ATAD3B: variants seen among roughly 807,000 people sequenced by gnomAD.
ATAD3B encodes ATPase family AAA domain containing 3B, also known as ATPase family AAA domain-containing protein 3B.
Under a neutral mutation model 70.2 loss-of-function variants are expected in ATAD3B, and 59 were observed. The ratio of observed to expected loss-of-function variants is 0.84; its 90% confidence interval spans 0.68 to 1.04. The LOEUF (loss-of-function observed/expected upper bound fraction) is 1.04, where lower values mean the gene tolerates loss of function less well. ATAD3B is among the 50% of genes least tolerant of loss of function. The probability of loss-of-function intolerance (pLI) is 0.00; values close to 1 mark genes in which losing one functional copy is unlikely to be tolerated. For synonymous variants in ATAD3B, 423 were observed against 388.6 expected (o/e 1.09, Z -1.04); for missense variants, 961 against 913.4 (o/e 1.05, Z -0.67).
chr1:1,486,289 C>T (rs1281543788), intron 10 of ATAD3B, 54 bp downstream of exon 10: 36 of 1,610,250 alleles, frequency 2.2e-5, no homozygotes, highest in Non-Finnish European at 2.9e-5. Context: ...TCTCACCTGC[C>T]TGCAGGTGTC....
At chr1:1,475,791 C>G (rs1047791175) in intron 1 of ATAD3B, among the ~76,000 whole-genome samples, 1 of 151,798 alleles carries the variant, frequency 6.6e-6, no homozygotes, top group Non-Finnish European at 1.5e-5. Context: ...ATTCTAATAA[C>G]CGAGAGGCCA....
chr1:1,488,971 C>G (rs113423732), intron 12 of ATAD3B, among the ~76,000 whole-genome samples: 4,516 of 151,868 alleles, frequency 0.03, 249 homozygotes, highest in African/African-American at 0.1. Context: ...CCATGTTGGC[C>G]AGGCTGGTCT....
chr1:1,504,985 G>A, the ATAD3B span, among the ~76,000 whole-genome samples: 30 of 152,294 alleles, frequency 2.0e-4, 1 homozygote, highest in Middle Eastern at 3.4e-3. Context: ...CAGCTCCACA[G>A]GTTCGGTGGG....
rs1385989441 is a variant in ATAD3B, at chr1:1,495,682, C to T, written c.1812C>T (p.Tyr604=). 1 of 1,613,026 alleles carries T rather than the reference C, an allele frequency of 6.2e-7. No homozygotes were observed. The highest frequency in any genetic ancestry group is 1.1e-5 in the South Asian group (1 of 90,984). The change falls in exon 16 of 16, where the codon TAC becomes TAT. Residue 604 remains tyrosine (Y), a synonymous_variant. Coordinates refer to ENST00000673477, the MANE Select transcript of ATAD3B (RefSeq NM_031921.6). ...GGAGCCTGGCCACGGACCCCTCCTA[C>T]CCCTGCCTTGCCGGCCCCTGCACAT... The part of the protein sequence containing the change: ...TSWSLATDPS[Y]PCLAGPCTFR...
At chr1:1,472,123 C>T in intron 1 of ATAD3B, 34 bp downstream of exon 1, 1 of 256,952 alleles carries the variant, frequency 3.9e-6, no homozygotes, top group Non-Finnish European at 6.0e-6. Flanking sequence ...GGCGGGCGGG[C>T]GGGCGGGACG....
chr1:1,499,213 C>A (rs187063102), downstream of ATAD3B, among the ~76,000 whole-genome samples: 4 of 151,262 alleles, frequency 2.6e-5, no homozygotes, highest in East Asian at 7.8e-4. Context: ...CCTCGTGATC[C>A]GCCCGCCTCG....
At chr1:1,478,208 G>C (rs1639700544) in intron 2 of ATAD3B, 1 of 399,182 alleles carries the variant, frequency 2.5e-6, no homozygotes, top group Non-Finnish European at 4.6e-6. Flanking sequence ...TGTTGTCCAG[G>C]TTGGTCTTGA....
chr1:1,487,776 C>T (rs1640305560), intron 11 of ATAD3B, 87 bp from the exon 12 acceptor site: 1 of 1,516,274 alleles, frequency 6.6e-7, no homozygotes, highest in Non-Finnish European at 9.1e-7. Context: ...GATCTGCCTG[C>T]CTGGCCTGCT....
chr1:1,480,909 G>A lies in ATAD3B; in HGVS notation c.487G>A (p.Val163Met), dbSNP rs759023658. The A allele has an allele frequency of 1.6e-5, 25 of 1,593,230 alleles. 1 individual carries two copies. The highest frequency in any genetic ancestry group is 3.3e-4 in the Middle Eastern group (2 of 5,982). Residue 163 changes from valine to methionine, a missense_variant, in exon 5 of 16, where the codon GTG (valine) becomes ATG (methionine). Coordinates refer to ENST00000673477, the MANE Select transcript of ATAD3B (RefSeq NM_031921.6). ...EENLRKQEES[V>M]QKQEAMRRAT... ...GAATTTACGGAAGCAGGAGGAGTCC[G>A]TGCAGAAGCAGGAAGCCATGCGGCG... is the stretch of plus-strand genomic sequence containing the variant.
At chr1:1,498,114 C>T (rs1640846594), downstream of ATAD3B, among the ~76,000 whole-genome samples, 1 of 151,456 alleles carries the variant, frequency 6.6e-6, no homozygotes, top group East Asian at 2.0e-4. Flanking sequence ...ACCAGCCCGG[C>T]CAATGTGGTG....
chr1:1,509,274 G>C, the ATAD3B span: 1 of 1,612,962 alleles, frequency 6.2e-7, no homozygotes, highest in South Asian at 1.1e-5. Flanking sequence ...GCAAGATGCT[G>C]TCCAGCAGCA....
chr1:1,482,976 T>A, intron 7 of ATAD3B: 1 of 472,842 alleles, frequency 2.1e-6, no homozygotes, highest in South Asian at 1.6e-5. Flanking sequence ...ACTCCATTCT[T>A]GGCGAGAGAA....
At chr1:1,500,515 G>GGA (rs765758041), downstream of ATAD3B, among the ~76,000 whole-genome samples, 2,640 of 147,510 alleles carry the variant, frequency 0.018, 37 homozygotes, top group Admixed American at 0.033. Flanking sequence ...TTGCGCCACT[G>GGA]CCCTCCAGTC....
chr1:1,482,125 C>T lies in ATAD3B; in HGVS notation c.515-13C>T. On this transcript the variant is annotated splice_polypyrimidine_tract_variant and intron_variant, in intron 5 of 15. Coordinates refer to ENST00000673477, the MANE Select transcript of ATAD3B (RefSeq NM_031921.6). ...ACTGCATGGTGCTGAGCTGCCCTGC[C>T]TCTCTGGGGCAGCCACCGTGGAGCG... 3 of 1,604,496 alleles carry T rather than the reference C, an allele frequency of 1.9e-6. No homozygotes were observed. Among genetic ancestry groups the T allele is most frequent in the Non-Finnish European group, 2.5e-6 (3 of 1,177,042 alleles).
At chr1:1,472,578 C>T (rs533423707) in intron 1 of ATAD3B, among the ~76,000 whole-genome samples, 4 of 152,130 alleles carry the variant, frequency 2.6e-5, no homozygotes, top group East Asian at 1.9e-4. Flanking sequence ...AGCATTTGCA[C>T]GGCGAGGTCT....
chr1:1,500,746 G>A (rs1264336118), downstream of ATAD3B, among the ~76,000 whole-genome samples: 4 of 151,112 alleles, frequency 2.6e-5, no homozygotes, highest in South Asian at 6.3e-4. Context: ...GAGGTCAGGA[G>A]ATCGAGACCA....
In ATAD3B at chr1:1,489,397, C is replaced by G. The variant is rs1422377883; in HGVS notation, c.1337+123C>G. 8 of 1,520,494 alleles carry G rather than the reference C, an allele frequency of 5.3e-6. No individual in the cohort carries two copies. In the African/African-American group the frequency reaches 1.1e-4, roughly 21 times the overall value. 94.2% of individuals were successfully genotyped at this position (1,520,494 alleles called of 1,614,324 possible). On this transcript the variant is annotated intron_variant, in intron 13 of 15. Coordinates refer to ENST00000673477, the MANE Select transcript of ATAD3B (RefSeq NM_031921.6). ...AGCTGTGGCCTCAGTGTGCCCACCT[C>G]AGATGTCCCCTGGGAACGGCCCAGC...
the ATAD3B span, chr1:1,509,432 A>G: frequency 6.3e-7 from 1 of 1,598,482 alleles, no homozygotes; most frequent in Non-Finnish European, 8.5e-7. Context: ...ACATTTAGGA[A>G]ATACTCCCCG....
intron 1 of ATAD3B, among the ~76,000 whole-genome samples, chr1:1,474,424 C>T (rs138253659): frequency 0.059 from 8,935 of 151,402 alleles, 720 homozygotes; most frequent in African/African-American, 0.17. Flanking sequence ...TCTCCTGACC[C>T]CGTGATCCAC....
Sources: allele counts gnomAD v4.1 joint callset (sites outside exome capture counted in the v4.1 genomes callset), GRCh38; gene constraint gnomAD v4.1.1; transcripts MANE v1.5; gene names NCBI Gene and HGNC (gene_info 2026-07-23, HGNC 2026-07-21).